PPARD: variants seen among roughly 807,000 people sequenced by gnomAD.
PPARD encodes peroxisome proliferator activated receptor delta.
PPARD carries 6 observed loss-of-function variants against 39.5 expected under a neutral mutation model. The ratio of observed to expected loss-of-function variants is 0.15; its 90% CI spans 0.08 to 0.30. The LOEUF is 0.30. Ranked by LOEUF, PPARD falls within the 10% of genes least tolerant of loss-of-function variation. The pLI is 1.00. For synonymous variants in PPARD, 210 were observed against 231.3 expected (o/e 0.91, Z 0.83); for missense variants, 397 against 596.8 (o/e 0.67, Z 3.49).
At chr6:35,364,431 C>CTTTTTTT (rs529866520) in intron 2 of PPARD, among the ~76,000 whole-genome samples, 1 of 127,190 alleles carries the variant, frequency 7.9e-6, no homozygotes. Context: ...CCATGTTTAA[C>CTTTTTTT]TTTTTTTTTT....
chr6:35,365,150 T>TTTTTTTTTTA (rs1762140406), intron 2 of PPARD, among the ~76,000 whole-genome samples: 1 of 141,808 alleles, frequency 7.1e-6, no homozygotes, highest in African/African-American at 2.8e-5. Context: ...TTTTTTTTTT[T>TTTTTTTTTTA]GAGATGGAGT....
chr6:35,399,136 C>G (rs1764527534), intron 2 of PPARD, among the ~76,000 whole-genome samples: 1 of 151,968 alleles, frequency 6.6e-6, no homozygotes, highest in Non-Finnish European at 1.5e-5. Flanking sequence ...GGCGTAGTGG[C>G]TCATGCCTGT....
chr6:35,400,907 C>T (rs1764658858), intron 2 of PPARD, among the ~76,000 whole-genome samples: 1 of 152,100 alleles, frequency 6.6e-6, no homozygotes, highest in African/African-American at 2.4e-5. Flanking sequence ...GTCACAAGAG[C>T]TCTGTGTCAG....
At chr6:35,359,142 A>G (rs995415144) in intron 2 of PPARD, among the ~76,000 whole-genome samples, 1 of 152,202 alleles carries the variant, frequency 6.6e-6, no homozygotes, top group Non-Finnish European at 1.5e-5. Context: ...GAGGTGTTCA[A>G]CGCATAGCGA....
chr6:35,393,934 T>G (rs1003433072), intron 2 of PPARD, among the ~76,000 whole-genome samples: 1 of 152,194 alleles, frequency 6.6e-6, no homozygotes, highest in Admixed American at 6.5e-5. Flanking sequence ...GAGCTTTGCT[T>G]CTTTACTGGT....
chr6:35,348,429 A>G (rs1040272114), intron 2 of PPARD: 6 of 985,264 alleles, frequency 6.1e-6, no homozygotes, highest in Non-Finnish European at 7.2e-6. Context: ...CCATGTTCTC[A>G]GGATGCCTGG....
At chr6:35,385,646 TAAAAAAAA>T (rs66948740) in intron 2 of PPARD, among the ~76,000 whole-genome samples, 5 of 96,562 alleles carry the variant, frequency 5.2e-5, no homozygotes, top group Non-Finnish European at 9.1e-5. Flanking sequence ...TAAATAAATT[TAAAAAAAA>T]AAAAAAAAAA....
At chr6:35,365,590 A>C (rs1762171666) in intron 2 of PPARD, among the ~76,000 whole-genome samples, 1 of 150,822 alleles carries the variant, frequency 6.6e-6, no homozygotes, top group Admixed American at 6.6e-5. Context: ...CTCCTGGGTC[A>C]AGCGATTCTC....
At position 35,426,084 on chromosome 6, in the gene PPARD, G is replaced by A. The variant is rs201530032; in HGVS notation, c.*5G>A. On this transcript the variant is annotated 3_prime_UTR_variant, in exon 8 of 8. Transcript: ENST00000360694. ...ATCTACAAGGACATGTACTAACGGCGGCACCCAGGCCTCCCTGCAGACTCC... is the reference window on the plus strand; with the variant it reads ...ATCTACAAGGACATGTACTAACGGCAGCACCCAGGCCTCCCTGCAGACTCC... 259 of 1,609,058 alleles carry A rather than the reference G, an allele frequency of 1.6e-4. No homozygotes were observed. Among genetic ancestry groups the A allele is most frequent in the Admixed American group, 1.1e-3 (67 of 59,968 alleles).
chr6:35,369,689 C>T (rs1250820937), intron 2 of PPARD, among the ~76,000 whole-genome samples: 1 of 152,184 alleles, frequency 6.6e-6, no homozygotes, highest in Admixed American at 6.5e-5. Flanking sequence ...AATAGCAGAG[C>T]GGTATTCATT....
intron 2 of PPARD, among the ~76,000 whole-genome samples, chr6:35,368,134 C>T (rs1762301290): frequency 6.6e-6 from 1 of 152,154 alleles, no homozygotes; most frequent in South Asian, 2.1e-4. Context: ...TGTGGTCTCC[C>T]ACAGTGGAAG....
chr6:35,371,400 A>G (rs1276143857), intron 2 of PPARD, among the ~76,000 whole-genome samples: 2 of 151,954 alleles, frequency 1.3e-5, no homozygotes, highest in Non-Finnish European at 2.9e-5. Context: ...GGCTGTGACC[A>G]TCTGCTCTTA....
chr6:35,424,356 T>C lies in PPARD; in HGVS notation c.655T>C (p.Leu219=), dbSNP rs1581678225. The change falls in exon 7 of 8, where the codon TTG becomes CTG. Residue 219 remains leucine (L), a synonymous_variant. Coordinates refer to ENST00000360694, the MANE Select transcript of PPARD (RefSeq NM_006238.5). This position sits in a 1 kb window ranked among gnomAD's most constrained non-coding sequence, Gnocchi z 7.1. ...APFVIHDIET[L]WQAEKGLVWK... is the part of the protein sequence containing the mutation. Reference sequence around the variant, plus strand: ...CTTTGTGATCCACGACATCGAGACATTGTGGCAGGCAGAGAAGGGGCTGGT... The same window carrying C: ...CTTTGTGATCCACGACATCGAGACACTGTGGCAGGCAGAGAAGGGGCTGGT... 6.2e-7 allele frequency: 1 copy of C among 1,612,212 alleles called. No homozygotes were observed. The highest frequency in any genetic ancestry group is 1.3e-5 in the African/African-American group (1 of 74,872).
intron 2 of PPARD, among the ~76,000 whole-genome samples, chr6:35,404,848 A>G (rs1487747050): frequency 6.6e-6 from 1 of 152,126 alleles, no homozygotes; most frequent in African/African-American, 2.4e-5. Context: ...GGATGGAGTC[A>G]TGCCCCTCCC....
At position 35,347,125 on chromosome 6, in the gene PPARD, C is replaced by G. The variant is rs1792231806; in HGVS notation, c.-127C>G. 1.3e-6 allele frequency: 2 copies of G among 1,536,124 alleles called. No individual in the cohort carries two copies. Among genetic ancestry groups the G allele is most frequent in the South Asian group, 1.2e-5 (1 of 84,066 alleles). On this transcript the variant is annotated 5_prime_UTR_variant, in exon 2 of 8. Coordinates refer to ENST00000360694, the MANE Select transcript of PPARD (RefSeq NM_006238.5). ...TCACACAGTGGCTTCTGCTCACCAA[C>G]AGATGAAGACAGATGCACCAACGAG... is the stretch of plus-strand genomic sequence containing the variant.
At chr6:35,383,691 G>A (rs1268746584) in intron 2 of PPARD, among the ~76,000 whole-genome samples, 1 of 138,796 alleles carries the variant, frequency 7.2e-6, no homozygotes, top group Non-Finnish European at 1.5e-5. Flanking sequence ...GCCCCGTCTG[G>A]GATGTGAGGA....
chr6:35,421,990 C>T, intron 5 of PPARD, 32 bp downstream of exon 5: 1 of 1,576,030 alleles, frequency 6.3e-7, no homozygotes, highest in Non-Finnish European at 8.6e-7. Context: ...TCACGGGCTG[C>T]TGGCTCCACA....
intron 2 of PPARD, among the ~76,000 whole-genome samples, chr6:35,385,388 T>C (rs1253472766): frequency 7.3e-5 from 11 of 149,704 alleles, no homozygotes; most frequent in African/African-American, 2.7e-4. Flanking sequence ...TTAAACGGAT[T>C]AAGGGCGGTG....
In PPARD at chr6:35,424,932, G is replaced by A. The variant is rs9658164; in HGVS notation, c.1078+153G>A. ...AACATGCAAGGCACTGACTGAGCAT[G>A]CAGGATCAGCTCCATCTCATTATGT... On this transcript the variant is annotated intron_variant, in intron 7 of 7. Coordinates refer to ENST00000360694, the MANE Select transcript of PPARD (RefSeq NM_006238.5). This position sits in a 1 kb window ranked among gnomAD's most constrained non-coding sequence, Gnocchi z 7.1. 4.6e-4 allele frequency: 662 copies of A among 1,443,052 alleles called. 4 individuals are homozygous for A. In the East Asian group the frequency reaches 0.013, roughly 28 times the overall value. 89.4% of individuals were successfully genotyped at this position (1,443,052 alleles called of 1,614,324 possible). A position where few individuals can be genotyped will look rare whatever the true frequency, so the allele number is the denominator to read the frequency against.
Sources: allele counts gnomAD v4.1 joint callset (sites outside exome capture counted in the v4.1 genomes callset), GRCh38; gene constraint gnomAD v4.1.1; non-coding constraint Gnocchi (gnomAD v3.1); transcripts MANE v1.5; gene names NCBI Gene and HGNC (gene_info 2026-07-23, HGNC 2026-07-21).